The following GPC6 variants were observed in gnomAD, a reference collection of about 807,000 sequenced individuals.
The protein encoded by GPC6 is glypican 6.
In GPC6, 14 loss-of-function variants were observed where a neutral mutation model predicts 55.2. That is an observed-to-expected ratio of 0.25 (90% CI 0.17 to 0.40). The LOEUF is 0.40. Ranked by LOEUF, GPC6 falls within the 10% of genes least tolerant of loss-of-function variation. The pLI, the probability that GPC6 is intolerant of heterozygous loss-of-function variation, is 1.00. For synonymous variants in GPC6, 278 were observed against 259.6 expected, an observed-to-expected ratio of 1.07 and a Z score of -0.68; for missense variants, 641 against 708.5, an observed-to-expected ratio of 0.90 and a Z score of 1.08.
At chr13:94,102,503 CTT>C (rs773906865) in intron 4 of GPC6, among the ~76,000 whole-genome samples, 2 of 143,880 alleles carry the variant, frequency 1.4e-5, no homozygotes. Context: ...TTTTCTGACC[CTT>C]TTTTTTTTTT....
rs561885084 is a variant in GPC6, at chr13:94,307,280, T to C, written c.1152+1157T>C. ...ACCTTCTCTCTAGTGTAGATATTTG[T>C]AGTTGCTGCAACCTTCTACTTTACC... On this transcript the variant is annotated intron_variant, in intron 6 of 8. Transcript: ENST00000377047. Among the ~76,000 whole-genome samples the C allele has an allele frequency of 7.2e-4, 109 of 152,306 alleles. 1 individual carries two copies. The highest frequency in any genetic ancestry group is 1.5e-5 in the Non-Finnish European group (1 of 68,028).
At chr13:93,940,227 A>G (rs1878662845) in intron 3 of GPC6, among the ~76,000 whole-genome samples, 1 of 152,120 alleles carries the variant, frequency 6.6e-6, no homozygotes, top group Non-Finnish European at 1.5e-5. Context: ...TTTTAATTTA[A>G]TAGAAGCCAT....
intron 3 of GPC6, among the ~76,000 whole-genome samples, chr13:93,999,854 A>G (rs1352785514): frequency 1.3e-5 from 2 of 152,346 alleles, no homozygotes; most frequent in East Asian, 1.9e-4. Flanking sequence ...GAGAAAATAA[A>G]TAACAAAACC....
intron 4 of GPC6, among the ~76,000 whole-genome samples, chr13:94,186,215 T>C (rs1436659594): frequency 2.0e-5 from 3 of 152,016 alleles, no homozygotes; most frequent in African/African-American, 7.3e-5. Flanking sequence ...CTCAGCAATC[T>C]TTTAATATGA....
At chr13:94,072,631 C>T (rs1406712291) in intron 4 of GPC6, among the ~76,000 whole-genome samples, 1 of 152,184 alleles carries the variant, frequency 6.6e-6, no homozygotes, top group East Asian at 1.9e-4. Flanking sequence ...GGATTAGAGG[C>T]GTGAGCCACC....
At chr13:93,999,167 C>T (rs768210345) in intron 3 of GPC6, among the ~76,000 whole-genome samples, 9 of 152,136 alleles carry the variant, frequency 5.9e-5, no homozygotes, top group Non-Finnish European at 1.2e-4. Flanking sequence ...TCTCCAAATG[C>T]TATCCCTCCC....
rs72636603 is a variant in GPC6 at position 94,372,192 on chromosome 13, C to T, written c.1153-10222C>T. ...AGGCCAGTTGTCTCATATAATATCT[C>T]ATCACTGGGGGGAGGAGCCAAGATG... is the stretch of plus-strand genomic sequence containing the variant. On this transcript the variant is annotated intron_variant, in intron 6 of 8. Transcript: ENST00000377047. 1.9e-3 allele frequency among the ~76,000 whole-genome samples: 283 copies of T among 152,158 alleles called. 1 individual carries two copies. In the Middle Eastern group the frequency reaches 0.041, roughly 22 times the overall value.
intron 2 of GPC6, among the ~76,000 whole-genome samples, chr13:93,783,854 T>A (rs968953174): frequency 6.6e-6 from 1 of 152,212 alleles, no homozygotes; most frequent in African/African-American, 2.4e-5. Flanking sequence ...GCTGTTTATG[T>A]GAAAGTCATT....
At chr13:94,018,265 C>G (rs191834661) in intron 3 of GPC6, among the ~76,000 whole-genome samples, 4 of 151,240 alleles carry the variant, frequency 2.6e-5, no homozygotes, top group African/African-American at 9.7e-5. Flanking sequence ...TGGGAGAAAT[C>G]TCATTTGGTT....
At chr13:93,679,533 G>A (rs978305158) in intron 2 of GPC6, among the ~76,000 whole-genome samples, 1 of 152,212 alleles carries the variant, frequency 6.6e-6, no homozygotes, top group Non-Finnish European at 1.5e-5. Context: ...TTTTGACCTG[G>A]AATATCTCTA....
chr13:93,666,363 T>A lies in GPC6; in HGVS notation c.319+120942T>A, dbSNP rs1012424866. ...ATACTTTAAAAAAAAAAAGGTCAAA[T>A]GAATTCCAACTGAAAAAGGGCATGG... On this transcript the variant is annotated intron_variant, in intron 2 of 8. Transcript: ENST00000377047. Among the ~76,000 whole-genome samples the A allele has an allele frequency of 1.4e-4, 21 of 151,904 alleles. 1 individual carries two copies. The highest frequency in any genetic ancestry group is 2.2e-4 in the Non-Finnish European group (15 of 67,960).
chr13:93,281,161 A>G (rs976999202), intron 1 of GPC6, among the ~76,000 whole-genome samples: 1 of 152,340 alleles, frequency 6.6e-6, no homozygotes, highest in Non-Finnish European at 1.5e-5. Context: ...TATCTGCCAC[A>G]ATAGCACTTA....
chr13:93,462,683 A>G (rs1380921184), intron 1 of GPC6, among the ~76,000 whole-genome samples: 1 of 152,062 alleles, frequency 6.6e-6, no homozygotes, highest in Non-Finnish European at 1.5e-5. Flanking sequence ...CCAAGAACAT[A>G]TAAATGAAAG....
intron 3 of GPC6, among the ~76,000 whole-genome samples, chr13:93,990,629 G>A (rs956190611): frequency 2.6e-5 from 4 of 151,942 alleles, no homozygotes; most frequent in African/African-American, 9.7e-5. Flanking sequence ...GGCTGAGGTA[G>A]GAGAATTGCT....
At chr13:93,753,314 C>CGTAT (rs371401946) in intron 2 of GPC6, among the ~76,000 whole-genome samples, 24 of 152,056 alleles carry the variant, frequency 1.6e-4, no homozygotes, top group African/African-American at 5.1e-4. Context: ...TCGGCATGTG[C>CGTAT]GTATGTATGT....
chr13:93,224,547 A>G (rs1437572480), upstream of GPC6, among the ~76,000 whole-genome samples: 3 of 152,078 alleles, frequency 2.0e-5, no homozygotes, highest in South Asian at 2.1e-4. Flanking sequence ...CCTACTACAC[A>G]CAAGATGAAT....
chr13:93,550,743 C>T (rs1875105459), intron 2 of GPC6, among the ~76,000 whole-genome samples: 1 of 151,976 alleles, frequency 6.6e-6, no homozygotes, highest in East Asian at 1.9e-4. Context: ...AATAGGTTTC[C>T]ATATGGTGAT....
chr13:93,888,422 T>A (rs1344353343), intron 3 of GPC6, among the ~76,000 whole-genome samples: 1 of 152,168 alleles, frequency 6.6e-6, no homozygotes, highest in Non-Finnish European at 1.5e-5. Flanking sequence ...TGAAAGAGTT[T>A]CCCTTCTGGT....
At chr13:93,817,955 C>CTA (rs1218319541) in intron 2 of GPC6, among the ~76,000 whole-genome samples, 1 of 145,802 alleles carries the variant, frequency 6.9e-6, no homozygotes, top group Admixed American at 6.9e-5. Flanking sequence ...TTAGTTATAC[C>CTA]TATATATATA....
Sources: gnomAD v4.1 joint callset for allele counts (sites outside exome capture counted in the v4.1 genomes callset) on GRCh38, gnomAD v4.1.1 for gene constraint, MANE v1.5 for transcripts, NCBI Gene and HGNC (gene_info 2026-07-23, HGNC 2026-07-21) for gene names.